OSBPL9: variants seen among roughly 807,000 people sequenced by gnomAD.
The protein encoded by OSBPL9 is oxysterol-binding protein-related protein 9.
Under a neutral mutation model 106.6 loss-of-function variants are expected in OSBPL9, and 40 were observed. The ratio of observed to expected loss-of-function variants is 0.38; its 90% CI spans 0.29 to 0.49. The LOEUF (loss-of-function observed/expected upper bound fraction) is 0.49. Among genes scored for constraint, OSBPL9 ranks in the 20% least tolerant of loss-of-function variants. The pLI, the probability that OSBPL9 is intolerant of heterozygous loss-of-function variation, is 0.97. For synonymous variants in OSBPL9, 269 were observed against 295.4 expected (o/e 0.91, Z 0.92); for missense variants, 609 against 887.2 (o/e 0.69, Z 3.98).
the OSBPL9 span, among the ~76,000 whole-genome samples, chr1:51,521,054 C>G: frequency 6.6e-6 from 1 of 152,230 alleles, no homozygotes; most frequent in Non-Finnish European, 1.5e-5. Context: ...AAGTAATCGT[C>G]ATACTCACTT....
chr1:51,600,133 T>C (rs146881484), intron 2 of OSBPL9, among the ~76,000 whole-genome samples: 27 of 152,342 alleles, frequency 1.8e-4, no homozygotes, highest in African/African-American at 4.8e-4. Context: ...TTCCAACATA[T>C]GAATTTTGGA....
At chr1:51,739,881 T>A (rs1666511420) in intron 4 of OSBPL9, among the ~76,000 whole-genome samples, 1 of 152,042 alleles carries the variant, frequency 6.6e-6, no homozygotes, top group Non-Finnish European at 1.5e-5. Flanking sequence ...TTTAATATAC[T>A]TTTTTTCATC....
intron 4 of OSBPL9, 125 bp downstream of exon 4, chr1:51,714,204 G>T: frequency 8.0e-6 from 5 of 628,832 alleles, no homozygotes; most frequent in South Asian, 3.0e-5. Flanking sequence ...TTTCTGAGTT[G>T]CTTATTTTTC....
the OSBPL9 span, among the ~76,000 whole-genome samples, chr1:51,537,533 T>G: frequency 6.6e-6 from 1 of 152,270 alleles, no homozygotes; most frequent in African/African-American, 2.4e-5. Flanking sequence ...GGAAAAATAG[T>G]AACCTAATTT....
intron 1 of OSBPL9, among the ~76,000 whole-genome samples, chr1:51,634,536 G>A (rs1645301346): frequency 1.3e-5 from 2 of 152,178 alleles, no homozygotes; most frequent in South Asian, 2.1e-4. Context: ...AGGAGAAAAG[G>A]TATACAAATT....
At chr1:51,559,709 A>G in the OSBPL9 span, among the ~76,000 whole-genome samples, 2 of 152,214 alleles carry the variant, frequency 1.3e-5, no homozygotes, top group African/African-American at 4.8e-5. Context: ...AATTTTGTAT[A>G]TGAACAAAGA....
At chr1:51,538,791 A>G in the OSBPL9 span, 1 of 152,112 alleles carries the variant, frequency 6.6e-6, no homozygotes, top group Non-Finnish European at 1.5e-5. Flanking sequence ...CACTGACCCT[A>G]CTACTGCCAA....
intron 3 of OSBPL9, among the ~76,000 whole-genome samples, chr1:51,677,685 G>A (rs1651599065): frequency 6.6e-6 from 1 of 151,988 alleles, no homozygotes. Flanking sequence ...CAAGTAGCTG[G>A]GATTAGAGGC....
intron 14 of OSBPL9, among the ~76,000 whole-genome samples, chr1:51,775,391 C>T (rs1196372921): frequency 6.6e-6 from 1 of 150,938 alleles, no homozygotes; most frequent in Middle Eastern, 3.2e-3. Context: ...CAGCCTTACT[C>T]TTCTTTAAGG....
chr1:51,740,161 T>C (rs1384207041), intron 4 of OSBPL9: 2 of 1,547,538 alleles, frequency 1.3e-6, no homozygotes, highest in Admixed American at 4.0e-5. Context: ...CACACTTGCT[T>C]TTTTCCAGTC....
chr1:51,586,426 AT>A (rs1645248561), intron 1 of OSBPL9, among the ~76,000 whole-genome samples: 1 of 152,186 alleles, frequency 6.6e-6, no homozygotes, highest in Admixed American at 6.5e-5. Flanking sequence ...CTATGGATAT[AT>A]CATACTTTAC....
chr1:51,613,069 T>A (rs1473388750), upstream of OSBPL9, among the ~76,000 whole-genome samples: 4 of 152,220 alleles, frequency 2.6e-5, no homozygotes, highest in Non-Finnish European at 5.9e-5. Flanking sequence ...AACCTTTTGG[T>A]CAGTTTCAAT....
intron 1 of OSBPL9, among the ~76,000 whole-genome samples, chr1:51,586,695 G>A (rs1049141562): frequency 2.0e-5 from 3 of 152,160 alleles, no homozygotes; most frequent in Admixed American, 6.5e-5. Flanking sequence ...CCCCAGGTGC[G>A]GGTCACAATG....
chr1:51,679,776 A>G (rs1403751331), intron 3 of OSBPL9, among the ~76,000 whole-genome samples: 3 of 152,224 alleles, frequency 2.0e-5, no homozygotes, highest in Non-Finnish European at 4.4e-5. Flanking sequence ...GTGTTCAAGT[A>G]GCCCTTATTT....
chr1:51,628,306 T>C (rs1644891802), intron 1 of OSBPL9, among the ~76,000 whole-genome samples: 1 of 152,252 alleles, frequency 6.6e-6, no homozygotes, highest in African/African-American at 2.4e-5. Flanking sequence ...AAGATTTTTC[T>C]GTGTAAGTTA....
chr1:51,760,480 CAG>C (rs1671248578), intron 9 of OSBPL9: 2 of 567,166 alleles, frequency 3.5e-6, no homozygotes, highest in Non-Finnish European at 2.8e-6. Context: ...TCTTCTGTGA[CAG>C]AGATTCATTC....
intron 15 of OSBPL9, among the ~76,000 whole-genome samples, chr1:51,780,217 A>G (rs1191076485): frequency 6.6e-6 from 1 of 151,160 alleles, no homozygotes; most frequent in African/African-American, 2.5e-5. Context: ...AAAAAAAAAA[A>G]TAGATGTTGA....
chr1:51,571,040 C>T, the OSBPL9 span, among the ~76,000 whole-genome samples: 1 of 152,218 alleles, frequency 6.6e-6, no homozygotes, highest in Non-Finnish European at 1.5e-5. Flanking sequence ...AGGCTGGTCT[C>T]GAACTCCTGA....
chr1:51,662,762 T>G (rs78130728), intron 2 of OSBPL9, among the ~76,000 whole-genome samples: 1 of 150,370 alleles, frequency 6.7e-6, no homozygotes, highest in Non-Finnish European at 1.5e-5. Context: ...TTTTTTTTTT[T>G]GAGACAGAGT....
Sources: gnomAD v4.1 joint callset for allele counts (sites outside exome capture counted in the v4.1 genomes callset) on GRCh38, gnomAD v4.1.1 for gene constraint, MANE v1.5 for transcripts, NCBI Gene and HGNC (gene_info 2026-07-23, HGNC 2026-07-21) for gene names.